IWS1: variants seen among roughly 807,000 people sequenced by gnomAD.
IWS1 encodes the protein protein IWS1 homolog.
A neutral mutation model predicts 86.7 loss-of-function variants in IWS1; 27 were observed. The ratio of observed to expected loss-of-function variants is 0.31; its 90% confidence interval spans 0.23 to 0.43. IWS1 has a LOEUF of 0.43. IWS1 is among the 20% of genes least tolerant of loss of function. The probability of loss-of-function intolerance (pLI) is 1.00; values close to 1 mark genes in which losing one functional copy is unlikely to be tolerated. For synonymous variants in IWS1, 313 were observed against 335.1 expected (o/e 0.93, Z 0.72); for missense variants, 827 against 1,000.8 (o/e 0.83, Z 2.34).
intron 2 of IWS1, among the ~76,000 whole-genome samples, chr2:127,512,741 C>A (rs1691539087): frequency 6.6e-6 from 1 of 152,228 alleles, no homozygotes; most frequent in African/African-American, 2.4e-5. Context: ...ATCCTTTCTA[C>A]AATGACGCAC....
intron 10 of IWS1, 102 bp from the exon 11 acceptor site, chr2:127,490,045 A>C: frequency 1.4e-6 from 1 of 720,584 alleles, no homozygotes; most frequent in South Asian, 1.6e-5. Context: ...GACATTTAGA[A>C]TATTCTTTCC....
Position 127,489,301 on chromosome 2 carries a change from A to G in IWS1, c.2160-66T>C. ...ACCTAATAACTCAGAAAAAGAGCAA[A>G]CTAAAAATCAAACTTAGACCATAAC... On this transcript the variant is annotated intron_variant, in intron 11 of 13. Coordinates refer to ENST00000295321, the MANE Select transcript of IWS1 (RefSeq NM_017969.3). The surrounding 1 kb of genome is among the most constrained non-coding windows in gnomAD (Gnocchi z 4.8). The G allele has an allele frequency of 8.6e-7, 1 of 1,156,428 alleles. No individual in the cohort carries two copies. Among genetic ancestry groups the G allele is most frequent in the Non-Finnish European group, 1.3e-6 (1 of 782,970 alleles). The allele number at this position is 1,156,428 out of a possible 1,614,324, so 71.6% of individuals were successfully genotyped here. A position where few individuals can be genotyped will look rare whatever the true frequency, so the allele number is the denominator to read the frequency against.
intron 2 of IWS1, among the ~76,000 whole-genome samples, chr2:127,508,992 T>C (rs955287405): frequency 6.6e-6 from 1 of 152,118 alleles, no homozygotes; most frequent in African/African-American, 2.4e-5. Flanking sequence ...AAGACAATGA[T>C]TGTAAAATTT....
intron 2 of IWS1, among the ~76,000 whole-genome samples, chr2:127,507,781 A>C (rs1371407952): frequency 6.6e-6 from 1 of 152,202 alleles, no homozygotes; most frequent in Admixed American, 6.5e-5. Flanking sequence ...GAGCATTCCT[A>C]ATCTGAAAAT....
At chr2:127,485,209 A>G (rs1373419875) in intron 13 of IWS1, among the ~76,000 whole-genome samples, 1 of 152,154 alleles carries the variant, frequency 6.6e-6, no homozygotes, top group African/African-American at 2.4e-5. Flanking sequence ...ATAGTCACTT[A>G]ATAGCAACAT....
intron 10 of IWS1, 52 bp downstream of exon 10, chr2:127,491,919 C>G: frequency 9.6e-7 from 1 of 1,040,126 alleles, no homozygotes; most frequent in South Asian, 1.3e-5. Context: ...ATACGCATCT[C>G]TCTCTTATCT....
At chr2:127,512,417 CAG>C (rs756072752) in intron 2 of IWS1, among the ~76,000 whole-genome samples, 3 of 152,324 alleles carry the variant, frequency 2.0e-5, no homozygotes, top group African/African-American at 4.8e-5. Context: ...AAGATTTTTA[CAG>C]AGTTTTCCCC....
chr2:127,497,902 A>G (rs1690598173), intron 6 of IWS1, among the ~76,000 whole-genome samples: 1 of 152,208 alleles, frequency 6.6e-6, no homozygotes, highest in Non-Finnish European at 1.5e-5. Flanking sequence ...TGAGCCATAA[A>G]TTAAGTCTGG....
In IWS1 at chr2:127,499,140, G is replaced by T. The variant is rs1432506302; in HGVS notation, c.1468-903C>A. On this transcript the variant is annotated intron_variant, in intron 5 of 13. Transcript: ENST00000295321. The surrounding 1 kb of genome is among the most constrained non-coding windows in gnomAD (Gnocchi z 4.0). Reference sequence around the variant, plus strand: ...GAGTCTCACTGTGTCGCCCAGGCCAGAGTGCAGTGGCGTGATCTCGGCTCA... The same window carrying T: ...GAGTCTCACTGTGTCGCCCAGGCCATAGTGCAGTGGCGTGATCTCGGCTCA... Among the ~76,000 whole-genome samples, 1 of 148,246 alleles carries T rather than the reference G, an allele frequency of 6.7e-6. No individual in the cohort carries two copies. Among genetic ancestry groups the T allele is most frequent in the Non-Finnish European group, 1.5e-5 (1 of 67,614 alleles).
In IWS1 at chr2:127,481,151, T is replaced by C. The variant is rs1334748569; in HGVS notation, c.2353A>G (p.Ile785Val). The C allele has an allele frequency of 3.1e-6, 5 of 1,609,298 alleles. No homozygotes were observed. Among genetic ancestry groups the C allele is most frequent in the Non-Finnish European group, 3.4e-6 (4 of 1,178,480 alleles). ...SRFQATSKKGISRLDKQMRKF... is the reference protein window; with the variant it reads ...SRFQATSKKGVSRLDKQMRKF... ...CTCATCTGTTTATCCAGTCGACTGATACCCTTCTTGGAGGTCGCCTGAAAC... is the reference window on the plus strand; with the variant it reads ...CTCATCTGTTTATCCAGTCGACTGACACCCTTCTTGGAGGTCGCCTGAAAC... Residue 785 changes from isoleucine (I) to valine (V), a missense_variant, in exon 14 of 14, where the codon ATC becomes GTC. By Grantham distance (29) the Ile-to-Val change is conservative. Coordinates refer to ENST00000295321, the MANE Select transcript of IWS1 (RefSeq NM_017969.3).
At chr2:127,507,871 C>A (rs1691226355) in intron 2 of IWS1, among the ~76,000 whole-genome samples, 1 of 152,222 alleles carries the variant, frequency 6.6e-6, no homozygotes, top group Admixed American at 6.5e-5. Context: ...AAGCACCCAA[C>A]ACAAACTTTG....
intron 1 of IWS1, among the ~76,000 whole-genome samples, chr2:127,525,095 G>GGGTGGGGTAGGGGCGTAGGGA (rs1692323714): frequency 6.7e-6 from 1 of 149,268 alleles, no homozygotes; most frequent in African/African-American, 2.5e-5. Context: ...CGAAGTAGGG[G>GGGTGGGGTAGGGGCGTAGGGA]GGTGGGGTAG....
Position 127,489,126 on chromosome 2 carries a change from A to T in IWS1, c.2216+53T>A. The T allele has an allele frequency of 7.8e-7, 1 of 1,285,086 alleles. No individual in the cohort carries two copies. The highest frequency in any genetic ancestry group is 2.3e-5 in the East Asian group (1 of 43,316). The allele number at this position is 1,285,086 out of a possible 1,614,324, so 79.6% of individuals were successfully genotyped here. On this transcript the variant is annotated intron_variant, in intron 12 of 13. Coordinates refer to ENST00000295321, the MANE Select transcript of IWS1 (RefSeq NM_017969.3). The surrounding 1 kb of genome is among the most constrained non-coding windows in gnomAD (Gnocchi z 4.8). Reference sequence around the variant, plus strand: ...CATTTACTACTTTTCTTAAAGCAGCAAACGGAAATTCTCTATATAGTCTAG... The same window carrying T: ...CATTTACTACTTTTCTTAAAGCAGCTAACGGAAATTCTCTATATAGTCTAG...
Position 127,496,111 on chromosome 2 carries a change from G to C in IWS1, c.1603C>G (p.Arg535Gly), listed in dbSNP as rs769514637. ...CGCTTGCCACTCATGCTCTTTTTTC[G>C]CTGCAACATCATCTCAAAATCTGAC... ...FLSDFEMMLQ[R>G]KKSMSGKRRR... Residue 535 changes from arginine (R) to glycine (G), a missense_variant, in exon 7 of 14, where the codon CGA (arginine) becomes GGA (glycine). This residue lies in a region of IWS1 where 279 missense variants were observed against 440.6 expected (regional missense o/e 0.63). Transcript: ENST00000295321. 6.2e-7 allele frequency: 1 copy of C among 1,613,384 alleles called. No individual in the cohort carries two copies. The highest frequency in any genetic ancestry group is 2.2e-5 in the East Asian group (1 of 44,820).
At chr2:127,520,095 A>T (rs1403025032) in intron 2 of IWS1, among the ~76,000 whole-genome samples, 8 of 152,218 alleles carry the variant, frequency 5.3e-5, no homozygotes, top group Admixed American at 5.2e-4. Flanking sequence ...AAGTTGTATC[A>T]AGTTGTTACA....
chr2:127,495,991 A>G lies in IWS1; in HGVS notation c.1716+7T>C. ...AAAAAGGTGAACCTAGAAGCGACCCAGCTCACCTCAGCAGCTTCATTCATC... is the reference window on the plus strand; with the variant it reads ...AAAAAGGTGAACCTAGAAGCGACCCGGCTCACCTCAGCAGCTTCATTCATC... On this transcript the variant is annotated splice_region_variant and intron_variant, in intron 7 of 13. Transcript: ENST00000295321. 1.2e-6 allele frequency: 2 copies of G among 1,605,988 alleles called. No homozygotes were observed. Among genetic ancestry groups the G allele is most frequent in the Non-Finnish European group, 1.7e-6 (2 of 1,176,744 alleles).
intron 12 of IWS1, among the ~76,000 whole-genome samples, chr2:127,487,627 C>T (rs1046368381): frequency 1.3e-5 from 2 of 152,118 alleles, no homozygotes; most frequent in Non-Finnish European, 2.9e-5. Context: ...CTCAGCTCAC[C>T]GCGAGCTCCA....
intron 6 of IWS1, among the ~76,000 whole-genome samples, chr2:127,497,879 A>G (rs995803795): frequency 6.6e-6 from 1 of 152,202 alleles, no homozygotes; most frequent in Non-Finnish European, 1.5e-5. Context: ...ATTTTTCATA[A>G]GAGTTTACTT....
chr2:127,496,163 A>G lies in IWS1; in HGVS notation c.1566-15T>C, dbSNP rs767383448. 6.3e-7 allele frequency: 1 copy of G among 1,597,966 alleles called. No homozygotes were observed. Among genetic ancestry groups the G allele is most frequent in the Admixed American group, 1.8e-5 (1 of 55,032 alleles). ...GAAAGTCCATACTAAAGCAGTAAACAAAAGCAAGTGAAATACAAGTTGTCT... is the reference window on the plus strand; with the variant it reads ...GAAAGTCCATACTAAAGCAGTAAACGAAAGCAAGTGAAATACAAGTTGTCT... On this transcript the variant is annotated splice_polypyrimidine_tract_variant and intron_variant, in intron 6 of 13. Coordinates refer to ENST00000295321, the MANE Select transcript of IWS1 (RefSeq NM_017969.3).
Sources: allele counts gnomAD v4.1 joint callset (sites outside exome capture counted in the v4.1 genomes callset), GRCh38; gene constraint gnomAD v4.1.1; regional missense constraint gnomAD v4.1.1; non-coding constraint Gnocchi (gnomAD v3.1); transcripts MANE v1.5; gene names NCBI Gene and HGNC (gene_info 2026-07-23, HGNC 2026-07-21).